Variants in DISC1 observed in about 807,000 individuals in gnomAD.
The protein encoded by DISC1 is disrupted in schizophrenia 1 protein.
DISC1 carries 57 observed loss-of-function variants against 84.5 expected under a neutral mutation model. The ratio of observed to expected loss-of-function variants is 0.67; its 90% CI spans 0.55 to 0.84. DISC1 has a LOEUF of 0.84. DISC1 is among the 40% of genes least tolerant of loss of function. The pLI, the probability that DISC1 is intolerant of heterozygous loss-of-function variation, is 0.00. For synonymous variants in DISC1, 411 were observed against 415.2 expected, an observed-to-expected ratio of 0.99 and a Z score of 0.12; for missense variants, 1,000 against 1,057.8, an observed-to-expected ratio of 0.95 and a Z score of 0.76.
chr1:231,830,479 A>G (rs1251382950), intron 9 of DISC1, among the ~76,000 whole-genome samples: 2 of 152,222 alleles, frequency 1.3e-5, no homozygotes, highest in Non-Finnish European at 2.9e-5. Flanking sequence ...AGCAAAGATT[A>G]TTTATTTACT....
intron 9 of DISC1, among the ~76,000 whole-genome samples, chr1:231,870,055 G>T (rs987477492): frequency 6.6e-6 from 1 of 152,134 alleles, no homozygotes; most frequent in Admixed American, 6.5e-5. Context: ...CTGAGAGTAC[G>T]GGGGTCCTAG....
chr1:231,878,832 C>T (rs768792685), intron 9 of DISC1, among the ~76,000 whole-genome samples: 1 of 152,152 alleles, frequency 6.6e-6, no homozygotes, highest in Admixed American at 6.5e-5. Context: ...GGTAACAACA[C>T]TAGGTTAATT....
intron 12 of DISC1, among the ~76,000 whole-genome samples, chr1:232,026,762 C>CTTTTTTTTTTTTT (rs545455868): frequency 1.8e-5 from 2 of 110,874 alleles, no homozygotes; most frequent in Non-Finnish European, 3.6e-5. Context: ...TTTCTTTTTT[C>CTTTTTTTTTTTTT]TTTTTTTTTT....
intron 9 of DISC1, among the ~76,000 whole-genome samples, chr1:231,939,555 T>G (rs569245285): frequency 6.6e-6 from 1 of 152,256 alleles, no homozygotes; most frequent in Admixed American, 6.5e-5. Context: ...TGCCCTCAGT[T>G]TTCTGCCTCC....
chr1:231,781,643 T>C (rs1450691568), intron 6 of DISC1, among the ~76,000 whole-genome samples: 1 of 152,240 alleles, frequency 6.6e-6, no homozygotes, highest in Non-Finnish European at 1.5e-5. Flanking sequence ...AGAACCGTTC[T>C]GTACTTAATT....
At chr1:231,742,951 G>C (rs933401370) in intron 3 of DISC1, among the ~76,000 whole-genome samples, 3 of 152,304 alleles carry the variant, frequency 2.0e-5, no homozygotes, top group Middle Eastern at 3.4e-3. Context: ...TTGAAGGTGA[G>C]TGGCAGCATG....
chr1:231,941,964 C>T (rs2091369238), intron 9 of DISC1, among the ~76,000 whole-genome samples: 1 of 147,436 alleles, frequency 6.8e-6, no homozygotes, highest in Non-Finnish European at 1.5e-5. Flanking sequence ...CAAGCTGCCC[C>T]CACAGGGAGG....
chr1:231,970,066 G>A (rs1661730978), intron 10 of DISC1, among the ~76,000 whole-genome samples: 3 of 152,176 alleles, frequency 2.0e-5, no homozygotes, highest in Non-Finnish European at 2.9e-5. Context: ...ACATACGTGT[G>A]CATGTGTCTT....
rs190222758 is a variant in DISC1 at position 231,648,514 on chromosome 1, A to G, written c.67+21580A>G. Among the ~76,000 whole-genome samples, 377 of 152,202 alleles carry G rather than the reference A, an allele frequency of 2.5e-3. 6 individuals carry two copies. The highest frequency in any genetic ancestry group is 8.7e-3 in the African/African-American group (360 of 41,528). ...CGTTCATCAGGGATATTGGTCTAAA[A>G]TTCTCTTTTTTGTTGTGTCTCTGCC... is the stretch of plus-strand genomic sequence containing the variant. On this transcript the variant is annotated intron_variant, in intron 1 of 12. Transcript: ENST00000439617.
intron 4 of DISC1, among the ~76,000 whole-genome samples, chr1:231,757,035 A>C (rs936382391): frequency 2.6e-5 from 4 of 152,186 alleles, no homozygotes; most frequent in Admixed American, 2.6e-4. Context: ...AACCGCTCTC[A>C]CAGGCTCTCC....
intron 8 of DISC1, among the ~76,000 whole-genome samples, chr1:231,815,880 G>A (rs2080915446): frequency 6.6e-6 from 1 of 152,094 alleles, no homozygotes; most frequent in African/African-American, 2.4e-5. Flanking sequence ...GGATATTTAG[G>A]TTGCTTCCAG....
chr1:231,713,723 TAG>T (rs1491550853), intron 3 of DISC1, among the ~76,000 whole-genome samples: 5 of 127,100 alleles, frequency 3.9e-5, no homozygotes, highest in Non-Finnish European at 6.6e-5. Context: ...TATATATATA[TAG>T]GAGATATATA....
intron 3 of DISC1, among the ~76,000 whole-genome samples, chr1:231,733,729 A>G (rs62638062): frequency 1.6e-5 from 1 of 63,700 alleles, no homozygotes; most frequent in East Asian, 5.7e-4. Context: ...GGTGGTGGTG[A>G]TTGTGGGAGT....
rs984367495 is a variant in DISC1, at chr1:231,675,199, C to T, written c.68-18627C>T. Among the ~76,000 whole-genome samples the T allele has an allele frequency of 3.9e-5, 6 of 151,922 alleles. No homozygotes were observed. Among genetic ancestry groups the T allele is most frequent in the African/African-American group, 1.4e-4 (6 of 41,390 alleles). ...CAGATTCAGAGACATCCATGTGTGT[C>T]CTGCTTATTGGTCCTTAGGCTACTC... On this transcript the variant is annotated intron_variant, in intron 1 of 12. Transcript: ENST00000439617. The surrounding 1 kb of genome is among the most constrained non-coding windows in gnomAD (Gnocchi z 4.1).
intron 9 of DISC1, among the ~76,000 whole-genome samples, chr1:231,878,966 A>G (rs1461529918): frequency 6.6e-6 from 1 of 152,234 alleles, no homozygotes; most frequent in Non-Finnish European, 1.5e-5. Flanking sequence ...TCACTGTGTG[A>G]ATAGACCATG....
rs1206862015 is a variant in DISC1 at position 231,763,473 on chromosome 1, C to CCTTT, written c.1269-3667_1269-3666insCTTT. On this transcript the variant is annotated intron_variant, in intron 4 of 12. Coordinates refer to ENST00000439617, the MANE Select transcript of DISC1 (RefSeq NM_018662.3). ...GATTTCTAAATTATGTCATATGTTA[C>CCTTT]AATAAGTGACCTTTAAGATTATTCA... Among the ~76,000 whole-genome samples, 3 of 152,170 alleles carry CCTTT rather than the reference C, an allele frequency of 2.0e-5. No individual in the cohort carries two copies. In the East Asian group the frequency reaches 5.8e-4, roughly 29 times the overall value.
chr1:232,025,782 A>G (rs557962070), intron 11 of DISC1, among the ~76,000 whole-genome samples: 35 of 151,946 alleles, frequency 2.3e-4, no homozygotes, highest in Middle Eastern at 3.4e-3. Flanking sequence ...ATTCTTAGTA[A>G]AGACAGGGTT....
intron 1 of DISC1, among the ~76,000 whole-genome samples, chr1:231,693,168 A>G (rs2125650738): frequency 6.6e-6 from 1 of 152,318 alleles, no homozygotes; most frequent in East Asian, 1.9e-4. Context: ...GTCAATGAGG[A>G]GTCAGCATTT....
chr1:232,027,347 T>G (rs1324344278), intron 12 of DISC1, among the ~76,000 whole-genome samples: 1 of 152,248 alleles, frequency 6.6e-6, no homozygotes, highest in Non-Finnish European at 1.5e-5. Context: ...TACACATGGT[T>G]GAACTCAATT....
Sources: allele counts gnomAD v4.1 joint callset (sites outside exome capture counted in the v4.1 genomes callset), GRCh38; gene constraint gnomAD v4.1.1; non-coding constraint Gnocchi (gnomAD v3.1); transcripts MANE v1.5; gene names NCBI Gene and HGNC (gene_info 2026-07-23, HGNC 2026-07-21).